Variants in YIPF6 observed in about 807,000 individuals in gnomAD.
YIPF6 encodes Yip1 domain family member 6.
YIPF6 carries 3 observed loss-of-function variants against 16.8 expected under a neutral mutation model. The ratio of observed to expected loss-of-function variants is 0.18; its 90% CI spans 0.08 to 0.46. The LOEUF (loss-of-function observed/expected upper bound fraction) is 0.46. YIPF6 is among the 20% of genes least tolerant of loss of function. The pLI is 0.98. For synonymous variants in YIPF6, 67 were observed against 61.9 expected (o/e 1.08, Z -0.38); for missense variants, 145 against 184.9 (o/e 0.78, Z 1.25).
rs1275929838 is a variant in YIPF6, at chrX:68,505,152, G to A, written c.57+6029G>A. 3.6e-5 allele frequency among the ~76,000 whole-genome samples: 4 copies of A among 111,986 alleles called. No individual in the cohort carries two copies. In the Admixed American group the frequency reaches 3.8e-4, roughly 11 times the overall value. ...TGGCTGGGCATGGTGCCTCACGCCT[G>A]TAATCCCAGCATTTTGTGAGGCCAA... is the stretch of plus-strand genomic sequence containing the variant. On this transcript the variant is annotated intron_variant, in intron 1 of 6. Coordinates refer to ENST00000462683, the MANE Select transcript of YIPF6 (RefSeq NM_173834.4).
intron 1 of YIPF6, among the ~76,000 whole-genome samples, chrX:68,500,995 C>T (rs2079039208): frequency 8.9e-6 from 1 of 112,004 alleles, no homozygotes; most frequent in Non-Finnish European, 1.9e-5. Flanking sequence ...TTCATTTAAA[C>T]TTCTCCACCC....
chrX:68,533,165 T>C lies in YIPF6; in HGVS notation c.*1166T>C, dbSNP rs897834757. 2 of 111,964 alleles carry C rather than the reference T, an allele frequency of 1.8e-5. No individual in the cohort carries two copies. The highest frequency in any genetic ancestry group is 6.5e-5 in the African/African-American group (2 of 30,817). 9.2% of individuals were successfully genotyped at this position (111,964 alleles called of 1,213,427 possible). On this transcript the variant is annotated 3_prime_UTR_variant, in exon 7 of 7. Coordinates refer to ENST00000462683, the MANE Select transcript of YIPF6 (RefSeq NM_173834.4). ...GTTGGGGAATAGCAATTTATTTTAT[T>C]GATTTTAGACTTTATCAAGCTAATT...
chrX:68,518,954 T>A, intron 4 of YIPF6, 142 bp downstream of exon 4: 1 of 528,405 alleles, frequency 1.9e-6, no homozygotes, highest in Non-Finnish European at 2.9e-6. Flanking sequence ...CTTAGGTATT[T>A]AAGCCTCTAA....
chrX:68,521,521 T>G, intron 5 of YIPF6, 24 bp downstream of exon 5: 2 of 1,196,969 alleles, frequency 1.7e-6, no homozygotes, highest in Non-Finnish European at 2.3e-6. Context: ...AAATGCATTC[T>G]TTTTTTCCTC....
rs781509887 is a variant in YIPF6, at chrX:68,513,816, C to T, written c.265+411C>T. Reference sequence around the variant, plus strand: ...GTTGGCCAGGCTGGTTTCCAACTCCCGATCTCAGGTGATCCACCCACCTCG... The same window carrying T: ...GTTGGCCAGGCTGGTTTCCAACTCCTGATCTCAGGTGATCCACCCACCTCG... On this transcript the variant is annotated intron_variant, in intron 3 of 6. Coordinates refer to ENST00000462683, the MANE Select transcript of YIPF6 (RefSeq NM_173834.4). 2.1e-3 allele frequency: 229 copies of T among 110,538 alleles called. 2 individuals are homozygous for T. The highest frequency in any genetic ancestry group is 7.2e-3 in the African/African-American group (219 of 30,326). 9.1% of individuals were successfully genotyped at this position (110,538 alleles called of 1,213,427 possible). A position where few individuals can be genotyped will look rare whatever the true frequency, so the allele number is the denominator to read the frequency against.
chrX:68,508,711 T>C (rs2147818927), intron 1 of YIPF6, among the ~76,000 whole-genome samples: 1 of 112,321 alleles, frequency 8.9e-6, no homozygotes, highest in Admixed American at 9.5e-5. Flanking sequence ...TCATCATTCA[T>C]GCATGTACCT....
chrX:68,516,168 G>A (rs554499297), intron 3 of YIPF6, among the ~76,000 whole-genome samples: 4 of 111,677 alleles, frequency 3.6e-5, no homozygotes, highest in South Asian at 3.7e-4. Context: ...TTTAGAGACA[G>A]GGTCTTGCTA....
In YIPF6 at chrX:68,503,315, C is replaced by T. The variant is rs766082584; in HGVS notation, c.57+4192C>T. Among the ~76,000 whole-genome samples, 2 of 112,286 alleles carry T rather than the reference C, an allele frequency of 1.8e-5. 1 individual carries two copies. Among genetic ancestry groups the T allele is most frequent in the Non-Finnish European group, 3.8e-5 (2 of 53,248 alleles). On this transcript the variant is annotated intron_variant, in intron 1 of 6. Coordinates refer to ENST00000462683, the MANE Select transcript of YIPF6 (RefSeq NM_173834.4). ...TGTGTGTTTTTTGGCCCTGCCTCTACCTGTTCCCCTTACTGGCCCAAGCCA... is the reference window on the plus strand; with the variant it reads ...TGTGTGTTTTTTGGCCCTGCCTCTATCTGTTCCCCTTACTGGCCCAAGCCA...
In YIPF6 at chrX:68,522,787, G is replaced by A. The variant is rs2079132022; in HGVS notation, c.462G>A (p.Leu154=). ...CTTTTTTTCAGAGCCTCTGTGTGCT[G>A]GGTTACTGTATACTTCCCTTGACAG... ...NISFFQSLCV[L]GYCILPLTVA... is the part of the protein sequence containing the mutation. Residue 154 remains leucine, a synonymous_variant, in exon 6 of 7, where the codon CTG becomes CTA. Transcript: ENST00000462683. 1 of 1,205,526 alleles carries A rather than the reference G, an allele frequency of 8.3e-7. No individual in the cohort carries two copies. Among genetic ancestry groups the A allele is most frequent in the South Asian group, 1.8e-5 (1 of 55,980 alleles).
chrX:68,500,467 C>T (rs959696777), intron 1 of YIPF6, among the ~76,000 whole-genome samples: 15 of 110,921 alleles, frequency 1.4e-4, no homozygotes, highest in Non-Finnish European at 2.6e-4. Flanking sequence ...AGGCGCCTGC[C>T]ACTACGTCCA....
intron 1 of YIPF6, 140 bp from the exon 2 acceptor site, chrX:68,511,709 A>G (rs1268112833): frequency 3.4e-6 from 2 of 588,725 alleles, no homozygotes; most frequent in Admixed American, 3.9e-5. Context: ...TGCATTGTGT[A>G]ATGTCTGTTG....
rs776084060 is a variant in YIPF6 at position 68,503,086 on chromosome X, A to G, written c.57+3963A>G. Among the ~76,000 whole-genome samples the G allele has an allele frequency of 2.7e-5, 3 of 111,678 alleles. No homozygotes were observed. In the East Asian group the frequency reaches 8.5e-4, roughly 32 times the overall value. On this transcript the variant is annotated intron_variant, in intron 1 of 6. Transcript: ENST00000462683. ...TGGGATCTTTGGAAGATCTCAGGCT[A>G]TGAGGAAGCTGGCCCCAGGTGAAGG...
chrX:68,519,321 G>A lies in YIPF6; in HGVS notation c.308+509G>A, dbSNP rs141254228. ...AGATGAATATAACCATTGATAGAGC[G>A]GGAAAAAATACTGCCCTGGAATTCA... On this transcript the variant is annotated intron_variant, in intron 4 of 6. Coordinates refer to ENST00000462683, the MANE Select transcript of YIPF6 (RefSeq NM_173834.4). Among the ~76,000 whole-genome samples, 638 of 110,592 alleles carry A rather than the reference G, an allele frequency of 5.8e-3. 3 individuals are homozygous for A. Among genetic ancestry groups the A allele is most frequent in the African/African-American group, 0.02 (599 of 30,505 alleles).
At chrX:68,527,776 C>T (rs1026575731) in intron 6 of YIPF6, among the ~76,000 whole-genome samples, 2 of 111,725 alleles carry the variant, frequency 1.8e-5, no homozygotes, top group Admixed American at 9.6e-5. Context: ...TGTAGCTGTG[C>T]GGTTTTGAGT....
chrX:68,534,280 C>A lies in YIPF6; in HGVS notation c.*2281C>A, dbSNP rs767342394. On this transcript the variant is annotated 3_prime_UTR_variant, in exon 7 of 7. Transcript: ENST00000462683. ...AAGACATTGTTCTATTTATAGCATTCTTTTTTTTTTTTAGTAGCGGTATTT... is the reference window on the plus strand; with the variant it reads ...AAGACATTGTTCTATTTATAGCATTATTTTTTTTTTTTAGTAGCGGTATTT... The A allele has an allele frequency of 3.9e-5, 4 of 103,062 alleles. No individual in the cohort carries two copies. Among genetic ancestry groups the A allele is most frequent in the African/African-American group, 1.4e-4 (4 of 28,588 alleles). The allele number at this position is 103,062 out of a possible 1,213,427, so 8.5% of individuals were successfully genotyped here.
chrX:68,528,349 T>C (rs1329029824), intron 6 of YIPF6, among the ~76,000 whole-genome samples: 2 of 111,692 alleles, frequency 1.8e-5, no homozygotes, highest in Non-Finnish European at 3.8e-5. Flanking sequence ...TATTCTTCCA[T>C]CCCTTTATTT....
intron 1 of YIPF6, among the ~76,000 whole-genome samples, chrX:68,511,025 G>A (rs2079079063): frequency 8.9e-6 from 1 of 112,851 alleles, no homozygotes. Context: ...ATTAAAAATT[G>A]TGCCTACTGG....
At position 68,536,981 on chromosome X, in the gene YIPF6, G is replaced by C. The variant is rs1357198578; in HGVS notation, c.*4982G>C. ...CTAGGACCTTAGAGAGCAGTAGTGT[G>C]AGAATAGAATGCCTTTCTATTTGGG... On this transcript the variant is annotated 3_prime_UTR_variant, in exon 7 of 7. Transcript: ENST00000462683. 8.9e-6 allele frequency: 1 copy of C among 112,006 alleles called. No homozygotes were observed. The highest frequency in any genetic ancestry group is 1.9e-5 in the Non-Finnish European group (1 of 53,268). The allele number at this position is 112,006 out of a possible 1,213,427, so 9.2% of individuals were successfully genotyped here.
chrX:68,533,386 A>C lies in YIPF6; in HGVS notation c.*1387A>C. ...CACATTGAGGAACTCTAATAGACAA[A>C]GATTAGGTGTCAGGCAGAAAACACT... On this transcript the variant is annotated 3_prime_UTR_variant, in exon 7 of 7. Transcript: ENST00000462683. The C allele has an allele frequency of 8.9e-6, 1 of 111,941 alleles. No individual in the cohort carries two copies. Among genetic ancestry groups the C allele is most frequent in the Non-Finnish European group, 1.9e-5 (1 of 53,189 alleles). 9.2% of individuals were successfully genotyped at this position (111,941 alleles called of 1,213,427 possible). A position where few individuals can be genotyped will look rare whatever the true frequency, so the allele number is the denominator to read the frequency against.
Sources: gnomAD v4.1 joint callset for allele counts (sites outside exome capture counted in the v4.1 genomes callset) on GRCh38, gnomAD v4.1.1 for gene constraint, MANE v1.5 for transcripts, NCBI Gene and HGNC (gene_info 2026-07-23, HGNC 2026-07-21) for gene names.